Variants in POM121 observed in about 807,000 individuals in gnomAD.
POM121 encodes POM121 transmembrane nucleoporin.
A neutral mutation model predicts 81.3 loss-of-function variants in POM121; 32 were observed. That is an observed-to-expected ratio of 0.39 (90% CI 0.30 to 0.53). The LOEUF (loss-of-function observed/expected upper bound fraction) is 0.53. Among genes scored for constraint, POM121 ranks in the 20% least tolerant of loss-of-function variants. The pLI is 0.66. For missense variants in POM121, 1,138 were observed against 1,614.6 expected (o/e 0.70, Z 5.06); for synonymous variants, 514 against 694.2 (o/e 0.74, Z 4.08).
Position 72,926,788 on chromosome 7 carries a change from G to C in POM121, c.861-14G>C. ...TAAAATATCTTACAGCTAGAATCTT[G>C]TCTTTCATTGTAGACCAGAGCAGAT... is the stretch of plus-strand genomic sequence containing the variant. On this transcript the variant is annotated splice_polypyrimidine_tract_variant and intron_variant, in intron 2 of 12. Transcript: ENST00000434423. 6.2e-7 allele frequency: 1 copy of C among 1,611,370 alleles called. No homozygotes were observed. The highest frequency in any genetic ancestry group is 8.5e-7 in the Non-Finnish European group (1 of 1,178,698).
intron 5 of POM121, among the ~76,000 whole-genome samples, chr7:72,935,354 T>C (rs567806563): frequency 9.9e-5 from 15 of 152,258 alleles, no homozygotes; most frequent in African/African-American, 3.4e-4. Context: ...TAAAAACTTA[T>C]AATAGAGACA....
intron 1 of POM121, among the ~76,000 whole-genome samples, chr7:72,888,349 C>T (rs1466592597): frequency 6.6e-6 from 1 of 151,986 alleles, no homozygotes; most frequent in Non-Finnish European, 1.5e-5. Flanking sequence ...TTAAGTTGAC[C>T]TTAATAATAC....
intron 5 of POM121, among the ~76,000 whole-genome samples, chr7:72,932,450 T>G (rs1278701258): frequency 6.6e-6 from 1 of 151,714 alleles, no homozygotes; most frequent in African/African-American, 2.4e-5. Flanking sequence ...ATAGGTACTT[T>G]AGTCCTCTGT....
At chr7:72,919,205 C>CT (rs782471353) in intron 4 of POM121, among the ~76,000 whole-genome samples, 4,919 of 111,208 alleles carry the variant, frequency 0.044, 173 homozygotes, top group African/African-American at 0.062. Flanking sequence ...CATGCCCAGC[C>CT]TTTTTTTTTT....
chr7:72,903,770 T>C (rs187964243), intron 3 of POM121, among the ~76,000 whole-genome samples: 28 of 152,376 alleles, frequency 1.8e-4, no homozygotes, highest in South Asian at 4.1e-4. Context: ...TTAGCCAGTC[T>C]GTGTACAACT....
At chr7:72,929,267 A>G (rs553215751) in intron 4 of POM121, among the ~76,000 whole-genome samples, 10 of 152,340 alleles carry the variant, frequency 6.6e-5, no homozygotes, top group Admixed American at 5.2e-4. Context: ...GAAAGAAGCA[A>G]AATAACTTGC....
chr7:72,925,229 C>G lies in POM121; in HGVS notation c.108C>G (p.Leu36=). 6.5e-7 allele frequency: 1 copy of G among 1,533,408 alleles called. No homozygotes were observed. The highest frequency in any genetic ancestry group is 8.7e-7 in the Non-Finnish European group (1 of 1,146,020). The allele number at this position is 1,533,408 out of a possible 1,614,324, so 95.0% of individuals were successfully genotyped here. A position where few individuals can be genotyped will look rare whatever the true frequency, so the allele number is the denominator to read the frequency against. ...RGCGGPARAV[L]LGLSLVGLLL... is the part of the protein sequence containing the mutation. Reference sequence around the variant, plus strand: ...GCGGCGGGCCGGCCAGGGCGGTGCTCCTGGGCCTGTCGCTGGTTGGCCTCT... The same window carrying G: ...GCGGCGGGCCGGCCAGGGCGGTGCTGCTGGGCCTGTCGCTGGTTGGCCTCT... The change falls in exon 1 of 13, where the codon CTC becomes CTG. Residue 36 remains leucine (L), a synonymous_variant. Transcript: ENST00000434423.
intron 3 of POM121, among the ~76,000 whole-genome samples, chr7:72,900,512 T>A (rs1469433705): frequency 2.8e-4 from 43 of 152,204 alleles, no homozygotes; most frequent in African/African-American, 1.0e-3. Context: ...TTATTTTAAT[T>A]TTTATTTTTT....
chr7:72,922,709 G>A (rs1180378013), upstream of POM121, among the ~76,000 whole-genome samples: 2 of 151,976 alleles, frequency 1.3e-5, no homozygotes, highest in African/African-American at 4.8e-5. Context: ...AACTTTTAAT[G>A]TAGTCATATT....
intron 3 of POM121, among the ~76,000 whole-genome samples, chr7:72,893,562 C>T (rs1169691508): frequency 3.9e-5 from 6 of 152,056 alleles, no homozygotes; most frequent in African/African-American, 7.2e-5. Context: ...CCAGCCTGGG[C>T]GACAGAGCCA....
chr7:72,909,212 CTT>C (rs1259919961), intron 3 of POM121, among the ~76,000 whole-genome samples: 10 of 152,306 alleles, frequency 6.6e-5, no homozygotes, highest in East Asian at 3.9e-4. Flanking sequence ...CACAGTGAGA[CTT>C]TATATTTTTC....
chr7:72,915,310 A>G (rs2129576660), intron 4 of POM121, among the ~76,000 whole-genome samples: 1 of 152,254 alleles, frequency 6.6e-6, no homozygotes, highest in Non-Finnish European at 1.5e-5. Context: ...TGCCTAGCAT[A>G]TTACCTGGCA....
At position 72,893,996 on chromosome 7, in the gene POM121, G is replaced by C. The variant is rs1791592840; in HGVS notation, c.-216+2886G>C. Among the ~76,000 whole-genome samples the C allele has an allele frequency of 3.3e-5, 5 of 152,192 alleles. No homozygotes were observed. The South Asian group carries it at 1.0e-3, about 31-fold the overall frequency. The stretch of plus-strand genomic sequence containing the variant: ...TTTTAAGAGACAAGGTCTCGGCCGG[G>C]CATGATGGCTCACACCTGTAATCCC... On this transcript the variant is annotated intron_variant, in intron 3 of 15. Transcript: ENST00000395270.
At position 72,947,901 on chromosome 7, in the gene POM121, C is replaced by T. The variant is rs1384259055; in HGVS notation, c.*1667C>T. The T allele has an allele frequency of 2.0e-6, 2 of 996,830 alleles. No homozygotes were observed. The highest frequency in any genetic ancestry group is 1.1e-4 in the Admixed American group (2 of 18,562). The allele number at this position is 996,830 out of a possible 1,614,324, so 61.7% of individuals were successfully genotyped here. A position where few individuals can be genotyped will look rare whatever the true frequency, so the allele number is the denominator to read the frequency against. Reference sequence around the variant, plus strand: ...TGGTGGCGGGGCTGCTCCTTCCCACCCCTCAGAACAGCTCTGATCCTCGTT... The same window carrying T: ...TGGTGGCGGGGCTGCTCCTTCCCACTCCTCAGAACAGCTCTGATCCTCGTT... On this transcript the variant is annotated 3_prime_UTR_variant, in exon 13 of 13. Coordinates refer to ENST00000434423, the MANE Select transcript of POM121 (RefSeq NM_001387691.1).
chr7:72,926,513 C>G lies in POM121; in HGVS notation c.860+36C>G, dbSNP rs186995275. ...TCGTTGGAAGAATACTCTCCCTTTT[C>G]GTGTCCACTTTATTCTTCTCCAGTT... On this transcript the variant is annotated intron_variant, in intron 2 of 12. Transcript: ENST00000434423. The G allele has an allele frequency of 6.8e-6, 11 of 1,611,520 alleles. No individual in the cohort carries two copies. In the Admixed American group the frequency reaches 1.8e-4, roughly 27 times the overall value.
rs187880954 is a variant in POM121, at chr7:72,900,388, A to G, written c.-216+9278A>G. Among the ~76,000 whole-genome samples the G allele has an allele frequency of 3.9e-3, 560 of 143,864 alleles. 2 individuals carry two copies. Among genetic ancestry groups the G allele is most frequent in the Non-Finnish European group, 6.3e-3 (412 of 65,356 alleles). The allele number at this position is 143,864 out of a possible 152,430, so 94.4% of individuals were successfully genotyped here. ...TTTGCTTTTTTTTTTTTCTTTGATT[A>G]GTCTGGCTAGGGATTTCTTATTTTT... On this transcript the variant is annotated intron_variant, in intron 3 of 15. Coordinates refer to the POM121 transcript ENST00000395270.
intron 5 of POM121, among the ~76,000 whole-genome samples, chr7:72,936,709 G>A (rs1796545602): frequency 6.6e-6 from 1 of 152,292 alleles, no homozygotes; most frequent in Admixed American, 6.5e-5. Flanking sequence ...ACCTCGTCTG[G>A]CCCCTTTGGC....
Position 72,925,706 on chromosome 7 carries a change from C to A in POM121, c.585C>A (p.His195Gln). 1 of 1,284,694 alleles carries A rather than the reference C, an allele frequency of 7.8e-7. No homozygotes were observed. The highest frequency in any genetic ancestry group is 9.9e-7 in the Non-Finnish European group (1 of 1,013,648). The allele number at this position is 1,284,694 out of a possible 1,614,324, so 79.6% of individuals were successfully genotyped here. A position where few individuals can be genotyped will look rare whatever the true frequency, so the allele number is the denominator to read the frequency against. The change falls in exon 1 of 13, where the codon CAC becomes CAA. Residue 195 changes from histidine to glutamine, a missense_variant. Around this residue, in one of 7 missense-constraint regions of POM121, gnomAD observed 646 missense variants for 633.5 expected, o/e 1.02. Transcript: ENST00000434423. ...PPPSPPTHRA[H>Q]HVYPSLPTPL... The stretch of plus-strand genomic sequence containing the variant: ...CCTCCCCGCCGACCCATCGCGCTCA[C>A]CACGTTTACCCCTCTCTGCCCACTC...
At chr7:72,884,771 ATTTT>A (rs369599951) in intron 1 of POM121, among the ~76,000 whole-genome samples, 9 of 113,754 alleles carry the variant, frequency 7.9e-5, no homozygotes, top group African/African-American at 1.9e-4. Flanking sequence ...ATATATATAT[ATTTT>A]TTTTCTGAAC....
Sources: gnomAD v4.1 joint callset for allele counts (sites outside exome capture counted in the v4.1 genomes callset) on GRCh38, gnomAD v4.1.1 for gene constraint, gnomAD v4.1.1 regional missense constraint, MANE v1.5 for transcripts, NCBI Gene and HGNC (gene_info 2026-07-23, HGNC 2026-07-21) for gene names.